TG: variants seen among roughly 807,000 people sequenced by gnomAD.
TG encodes thyroglobulin.
TG carries 270 observed loss-of-function variants against 324.7 expected under a neutral mutation model. The ratio of observed to expected loss-of-function variants is 0.83; its 90% CI spans 0.75 to 0.92. The LOEUF is 0.92. Among genes scored for constraint, TG ranks in the 40% least tolerant of loss-of-function variants. TG has a pLI of 0.00. For missense variants in TG, 3,591 were observed against 3,456.4 expected (o/e 1.04, Z -0.98); for synonymous variants, 1,401 against 1,327.0 (o/e 1.06, Z -1.21).
At chr8:132,964,828 C>T in intron 29 of TG, 1 of 694,360 alleles carries the variant, frequency 1.4e-6, no homozygotes, top group Non-Finnish European at 2.6e-6. Flanking sequence ...GCAATGTGGA[C>T]AGGTGTCGGT....
chr8:132,988,334 A>G (rs187529305), intron 35 of TG, among the ~76,000 whole-genome samples: 108 of 152,296 alleles, frequency 7.1e-4, no homozygotes, highest in African/African-American at 2.5e-3. Context: ...GGCAGAGGGC[A>G]CTGCATGTGT....
At chr8:132,983,257 A>G in intron 34 of TG, 93 bp from the exon 35 acceptor site, 1 of 1,401,294 alleles carries the variant, frequency 7.1e-7, no homozygotes, top group Non-Finnish European at 1.0e-6. Flanking sequence ...GTCCAATTTT[A>G]CAATCACCAT....
At chr8:133,050,541 A>G (rs796708264) in intron 41 of TG, 6 of 359,892 alleles carry the variant, frequency 1.7e-5, no homozygotes, top group African/African-American at 1.0e-4. Flanking sequence ...GGTGGGAGAT[A>G]AGAAGAATAT....
At chr8:133,087,423 C>T (rs1846769264) in intron 41 of TG, among the ~76,000 whole-genome samples, 1 of 152,138 alleles carries the variant, frequency 6.6e-6, no homozygotes, top group Non-Finnish European at 1.5e-5. Context: ...CCAGAACCAC[C>T]TCCTTCCTCC....
chr8:133,102,464 G>T, intron 43 of TG: 1 of 1,169,550 alleles, frequency 8.6e-7, no homozygotes, highest in Non-Finnish European at 1.2e-6. Flanking sequence ...GATCCATCAA[G>T]TCCCTCTGAA....
chr8:133,010,298 C>T (rs7817693), intron 35 of TG, among the ~76,000 whole-genome samples: 37,278 of 152,066 alleles, frequency 0.25, 5,074 homozygotes, highest in African/African-American at 0.36. Flanking sequence ...TGGGTGCTTT[C>T]GGGATCAAAC....
At position 132,884,857 on chromosome 8, in the gene TG, CA is replaced by C. The variant is rs376684587; in HGVS notation, c.1076-1590del. Among the ~76,000 whole-genome samples, 630 of 152,324 alleles carry C rather than the reference CA, an allele frequency of 4.1e-3. 5 individuals carry two copies. The highest frequency in any genetic ancestry group is 0.013 in the African/African-American group (539 of 41,564). On this transcript the variant is annotated intron_variant, in intron 8 of 47. Coordinates refer to ENST00000220616, the MANE Select transcript of TG (RefSeq NM_003235.5). ...GAATTTCCTTGCTTTGGTAACACTA[CA>C]TAACAAATGGATGGAAAGAGAAAGG...
At chr8:133,060,110 G>A in intron 41 of TG, 2 of 1,603,646 alleles carry the variant, frequency 1.2e-6, no homozygotes, top group Non-Finnish European at 1.7e-6. Flanking sequence ...CCTCCGGGTT[G>A]GGCAGGGGCC....
chr8:132,911,658 G>A (rs1819545766), intron 19 of TG, 125 bp downstream of exon 19: 1 of 785,036 alleles, frequency 1.3e-6, no homozygotes, highest in Non-Finnish European at 2.2e-6. Context: ...TATGGGGAGA[G>A]CTAATTATTT....
chr8:132,937,965 G>A (rs1176169247), intron 25 of TG, among the ~76,000 whole-genome samples: 4 of 152,100 alleles, frequency 2.6e-5, no homozygotes, highest in Non-Finnish European at 5.9e-5. Context: ...AGATGTGCCC[G>A]GCAGCCGTTC....
chr8:132,909,665 C>A (rs981026457), intron 18 of TG, among the ~76,000 whole-genome samples: 49 of 152,218 alleles, frequency 3.2e-4, no homozygotes, highest in African/African-American at 1.2e-3. Flanking sequence ...TTGGCTCCAG[C>A]ACTCCTACCA....
At chr8:133,076,241 C>G (rs1263127533) in intron 41 of TG, 2 of 152,272 alleles carry the variant, frequency 1.3e-5, no homozygotes, top group African/African-American at 4.8e-5. Context: ...AGTCACACAG[C>G]TAGTCCCAAA....
At chr8:133,036,335 T>C (rs1243946678) in intron 41 of TG, among the ~76,000 whole-genome samples, 4 of 152,218 alleles carry the variant, frequency 2.6e-5, no homozygotes, top group African/African-American at 4.8e-5. Flanking sequence ...CTGGTTTTCA[T>C]TGCTATAGCC....
intron 43 of TG, among the ~76,000 whole-genome samples, chr8:133,101,585 T>C (rs73708850): frequency 0.15 from 14,007 of 96,224 alleles, 2,195 homozygotes; most frequent in African/African-American, 0.38. Flanking sequence ...TTGCAGTAAA[T>C]TGCCACATCC....
intron 37 of TG, among the ~76,000 whole-genome samples, chr8:133,015,780 TA>T (rs2130908078): frequency 1.3e-5 from 2 of 152,302 alleles, no homozygotes; most frequent in South Asian, 4.1e-4. Context: ...AAGGAGGAAC[TA>T]TGGGGTGACA....
At position 132,935,804 on chromosome 8, in the gene TG, C is replaced by G. The variant is rs901793224; in HGVS notation, c.4981C>G (p.Arg1661Gly). ...AAAGGCCACCAGCTTTGGAAGTCTTCGCTGCCAGGTGAAAGTGAGGAGCCA... is the reference window on the plus strand; with the variant it reads ...AAAGGCCACCAGCTTTGGAAGTCTTGGCTGCCAGGTGAAAGTGAGGAGCCA... ...NSKATSFGSL[R>G]CQVKVRSHGQ... The change falls in exon 25 of 48, where the codon CGC becomes GGC. Residue 1661 changes from arginine (R) to glycine (G), a missense_variant. Coordinates refer to ENST00000220616, the MANE Select transcript of TG (RefSeq NM_003235.5). 6.2e-7 allele frequency: 1 copy of G among 1,612,814 alleles called. No homozygotes were observed. Among genetic ancestry groups the G allele is most frequent in the African/African-American group, 1.3e-5 (1 of 74,882 alleles).
intron 11 of TG, among the ~76,000 whole-genome samples, chr8:132,896,453 A>G (rs1279720014): frequency 1.3e-5 from 2 of 152,206 alleles, no homozygotes; most frequent in Non-Finnish European, 2.9e-5. Flanking sequence ...GAACTGTCCC[A>G]ATGAACTGCA....
chr8:133,050,915 C>G (rs772693601), intron 41 of TG: 13 of 1,606,886 alleles, frequency 8.1e-6, no homozygotes, highest in Non-Finnish European at 1.1e-5. Flanking sequence ...GCTATCCAGT[C>G]CTGGGGAAAC....
At chr8:132,941,639 C>T (rs1029713955) in intron 26 of TG, 97 bp downstream of exon 26, 6 of 1,407,770 alleles carry the variant, frequency 4.3e-6, no homozygotes, top group Non-Finnish European at 6.0e-6. Context: ...ATGGGGAGTA[C>T]AGTGTGAGTG....
Sources: allele counts gnomAD v4.1 joint callset (sites outside exome capture counted in the v4.1 genomes callset), GRCh38; gene constraint gnomAD v4.1.1; transcripts MANE v1.5; gene names NCBI Gene and HGNC (gene_info 2026-07-23, HGNC 2026-07-21).